The following RTN1 variants were observed in gnomAD, a reference collection of about 807,000 sequenced individuals.
RTN1 encodes reticulon-1.
RTN1 carries 25 observed loss-of-function variants against 65.5 expected under a neutral mutation model. The observed-to-expected ratio is 0.38, with a 90% CI of 0.28 to 0.53. RTN1 has a LOEUF of 0.53. Ranked by LOEUF, RTN1 falls within the 20% of genes least tolerant of loss-of-function variation. The pLI is 0.79. For synonymous variants in RTN1, 471 were observed against 447.6 expected (o/e 1.05, Z -0.66); for missense variants, 983 against 1,025.4 (o/e 0.96, Z 0.57).
chr14:59,697,550 T>C (rs1344376612), intron 3 of RTN1, among the ~76,000 whole-genome samples: 1 of 152,114 alleles, frequency 6.6e-6, no homozygotes, highest in African/African-American at 2.4e-5. Context: ...ACAGGGATAG[T>C]AAAAGCATTG....
chr14:59,731,051 A>T (rs1168666451), intron 2 of RTN1, among the ~76,000 whole-genome samples: 1 of 152,214 alleles, frequency 6.6e-6, no homozygotes, highest in African/African-American at 2.4e-5. Flanking sequence ...AAACTTGTAC[A>T]TGAATGTTCA....
intron 2 of RTN1, among the ~76,000 whole-genome samples, chr14:59,735,855 G>A (rs915121316): frequency 3.3e-5 from 5 of 152,040 alleles, no homozygotes; most frequent in African/African-American, 1.2e-4. Flanking sequence ...TCAGACCACA[G>A]CACAATCAAA....
chr14:59,681,356 C>T (rs1437670880), intron 3 of RTN1, among the ~76,000 whole-genome samples: 1 of 152,150 alleles, frequency 6.6e-6, no homozygotes, highest in Non-Finnish European at 1.5e-5. Context: ...GAGTAACTGT[C>T]TCTCAATAGA....
chr14:59,761,030 C>T (rs1200196191), intron 1 of RTN1, among the ~76,000 whole-genome samples: 4 of 152,174 alleles, frequency 2.6e-5, no homozygotes, highest in African/African-American at 4.8e-5. Context: ...ATTTTTATAG[C>T]CGCTGCCCAC....
chr14:59,705,855 G>A (rs771062007), intron 3 of RTN1, among the ~76,000 whole-genome samples: 60 of 152,270 alleles, frequency 3.9e-4, no homozygotes, highest in African/African-American at 1.3e-3. Flanking sequence ...AAATATGGCC[G>A]TTTGGCATGC....
At chr14:59,824,584 A>G (rs1886998556) in intron 1 of RTN1, among the ~76,000 whole-genome samples, 1 of 152,230 alleles carries the variant, frequency 6.6e-6, no homozygotes, top group African/African-American at 2.4e-5. Flanking sequence ...ATTTACAGGA[A>G]AATACTCCCC....
Position 59,803,962 on chromosome 14 carries a change from G to T in RTN1, c.242-57481C>A, listed in dbSNP as rs1052579855. Among the ~76,000 whole-genome samples, 4 of 152,166 alleles carry T rather than the reference G, an allele frequency of 2.6e-5. No homozygotes were observed. Among genetic ancestry groups the T allele is most frequent in the African/African-American group, 7.2e-5 (3 of 41,418 alleles). On this transcript the variant is annotated intron_variant, in intron 1 of 8. Coordinates refer to ENST00000267484, the MANE Select transcript of RTN1 (RefSeq NM_021136.3). The surrounding 1 kb of genome is among the most constrained non-coding windows in gnomAD (Gnocchi z 5.6). Reference sequence around the variant, plus strand: ...ATTGTACAAAGCATTCCCACATGCTGTACGTCAGTTTCCTCTCTTGTTAAC... The same window carrying T: ...ATTGTACAAAGCATTCCCACATGCTTTACGTCAGTTTCCTCTCTTGTTAAC...
chr14:59,865,044 T>C (rs1221533936), intron 1 of RTN1, among the ~76,000 whole-genome samples: 1 of 152,182 alleles, frequency 6.6e-6, no homozygotes, highest in Admixed American at 6.5e-5. Flanking sequence ...TAGGAAGGGC[T>C]ACATACATGT....
At chr14:59,779,876 G>A (rs1285217741) in intron 1 of RTN1, among the ~76,000 whole-genome samples, 1 of 152,086 alleles carries the variant, frequency 6.6e-6, no homozygotes, top group South Asian at 2.1e-4. Context: ...AGTCTCAGAG[G>A]AGACCATTAA....
chr14:59,653,291 C>A (rs926015459), intron 3 of RTN1, among the ~76,000 whole-genome samples: 2 of 152,102 alleles, frequency 1.3e-5, no homozygotes, highest in African/African-American at 4.8e-5. Flanking sequence ...TGCTGTCAAC[C>A]AAGAATTTTA....
At chr14:59,683,892 T>G (rs1594676623) in intron 3 of RTN1, among the ~76,000 whole-genome samples, 1 of 152,114 alleles carries the variant, frequency 6.6e-6, no homozygotes, top group African/African-American at 2.4e-5. Context: ...CTATGAAGAG[T>G]ACTCTGGTGT....
chr14:59,854,960 A>G (rs1887578726), intron 1 of RTN1, among the ~76,000 whole-genome samples: 1 of 152,242 alleles, frequency 6.6e-6, no homozygotes, highest in South Asian at 2.1e-4. Flanking sequence ...ATGTGTGCAT[A>G]TAAGTACAGA....
chr14:59,609,975 AG>A (rs1348089058), intron 3 of RTN1: 2 of 628,622 alleles, frequency 3.2e-6, no homozygotes, highest in Admixed American at 5.6e-5. Flanking sequence ...TTTGTGCTGA[AG>A]GGGGCACTCC....
chr14:59,724,603 G>A (rs901802727), intron 3 of RTN1, among the ~76,000 whole-genome samples: 1 of 152,038 alleles, frequency 6.6e-6, no homozygotes, highest in Non-Finnish European at 1.5e-5. Flanking sequence ...GGTGGCTCAC[G>A]CCTGTAATCC....
chr14:59,827,028 A>G (rs548605621), intron 1 of RTN1, among the ~76,000 whole-genome samples: 2 of 152,172 alleles, frequency 1.3e-5, no homozygotes, highest in South Asian at 4.2e-4. Flanking sequence ...CAGTTTGAGG[A>G]CACCAAATGC....
intron 2 of RTN1, among the ~76,000 whole-genome samples, chr14:59,729,923 A>T (rs1884863834): frequency 6.6e-6 from 1 of 152,172 alleles, no homozygotes; most frequent in Non-Finnish European, 1.5e-5. Context: ...TGAGATATTT[A>T]TACCCTCTGC....
chr14:59,769,053 A>AT (rs1057025888), intron 1 of RTN1, among the ~76,000 whole-genome samples: 1 of 152,194 alleles, frequency 6.6e-6, no homozygotes, highest in Non-Finnish European at 1.5e-5. Context: ...TAGTCATCCT[A>AT]TAAGTAGCTG....
chr14:59,671,896 C>A (rs542436900), intron 3 of RTN1, among the ~76,000 whole-genome samples: 1 of 152,318 alleles, frequency 6.6e-6, no homozygotes, highest in South Asian at 2.1e-4. Context: ...TGGTCTTTGG[C>A]TACTTCCCAC....
chr14:59,822,914 CGGCCAAG>C (rs1179531866), intron 1 of RTN1, among the ~76,000 whole-genome samples: 1 of 151,222 alleles, frequency 6.6e-6, no homozygotes, highest in East Asian at 1.9e-4. Flanking sequence ...AATTGCTTTA[CGGCCAAG>C]GGTGTGGTCC....
Sources: gnomAD v4.1 joint callset for allele counts (sites outside exome capture counted in the v4.1 genomes callset) on GRCh38, gnomAD v4.1.1 for gene constraint, Gnocchi (gnomAD v3.1) non-coding constraint, MANE v1.5 for transcripts, NCBI Gene and HGNC (gene_info 2026-07-23, HGNC 2026-07-21) for gene names.